Variants in ASAP1 observed in about 807,000 individuals in gnomAD.
ASAP1 encodes the protein arf-GAP with SH3 domain, ANK repeat and PH domain-containing protein 1.
A neutral mutation model predicts 145.2 loss-of-function variants in ASAP1; 43 were observed. The observed-to-expected ratio is 0.30, with a 90% CI of 0.23 to 0.38. The LOEUF is 0.38. ASAP1 is among the 10% of genes least tolerant of loss of function. The pLI is 1.00. For synonymous variants in ASAP1, 546 were observed against 515.5 expected, an observed-to-expected ratio of 1.06 and a Z score of -0.80; for missense variants, 1,018 against 1,355.3, an observed-to-expected ratio of 0.75 and a Z score of 3.91.
rs758864614 is a variant in ASAP1, at chr8:130,331,797, CACAT to C, written c.186+26216_186+26219del. On this transcript the variant is annotated intron_variant, in intron 3 of 29. Coordinates refer to ENST00000518721, the MANE Select transcript of ASAP1 (RefSeq NM_018482.4). The stretch of plus-strand genomic sequence containing the variant: ...CAAAATTCACAGACATATCTAGAAA[CACAT>C]ACACACACACATGCAAACACACAAT... Among the ~76,000 whole-genome samples, 3 of 152,170 alleles carry C rather than the reference CACAT, an allele frequency of 2.0e-5. No homozygotes were observed. The South Asian group carries it at 6.2e-4, about 32-fold the overall frequency.
At chr8:130,391,991 G>A (rs192361193) in intron 2 of ASAP1, among the ~76,000 whole-genome samples, 1 of 152,192 alleles carries the variant, frequency 6.6e-6, no homozygotes, top group Non-Finnish European at 1.5e-5. Flanking sequence ...GTTGTGCAGG[G>A]GGAGCCAGAC....
intron 3 of ASAP1, among the ~76,000 whole-genome samples, chr8:130,262,089 C>G (rs1000515506): frequency 5.9e-5 from 9 of 151,734 alleles, no homozygotes; most frequent in African/African-American, 2.2e-4. Flanking sequence ...CTTCATGTTT[C>G]CAGTGCTATT....
At chr8:130,397,481 T>C (rs944777914) in intron 2 of ASAP1, among the ~76,000 whole-genome samples, 3 of 152,228 alleles carry the variant, frequency 2.0e-5, no homozygotes, top group Non-Finnish European at 2.9e-5. Flanking sequence ...TATACACGTC[T>C]TCATAAGTGA....
intron 17 of ASAP1, among the ~76,000 whole-genome samples, chr8:130,125,455 T>G (rs2097573470): frequency 6.6e-6 from 1 of 152,180 alleles, no homozygotes; most frequent in Non-Finnish European, 1.5e-5. Flanking sequence ...TTCTCACAAT[T>G]TCTTCCCTTA....
intron 2 of ASAP1, among the ~76,000 whole-genome samples, chr8:130,384,249 AACC>A (rs1244152827): frequency 6.6e-6 from 1 of 152,134 alleles, no homozygotes; most frequent in Non-Finnish European, 1.5e-5. Context: ...ATAAAGCACA[AACC>A]ACTTTCCCCT....
At chr8:130,215,611 G>C (rs1816850724) in intron 4 of ASAP1, among the ~76,000 whole-genome samples, 1 of 152,074 alleles carries the variant, frequency 6.6e-6, no homozygotes, top group African/African-American at 2.4e-5. Context: ...AGGTGTAGTA[G>C]CGGGTGCCTG....
At chr8:130,148,759 AAAAC>A (rs781777195) in intron 13 of ASAP1, among the ~76,000 whole-genome samples, 23 of 152,220 alleles carry the variant, frequency 1.5e-4, no homozygotes, top group Non-Finnish European at 3.1e-4. Context: ...TTAGTTAGAA[AAAAC>A]AAACAATTCA....
chr8:130,279,719 A>G (rs1821141733), intron 3 of ASAP1, among the ~76,000 whole-genome samples: 1 of 152,234 alleles, frequency 6.6e-6, no homozygotes, highest in African/African-American at 2.4e-5. Context: ...ACAGATGAGA[A>G]AGAGTTAGCA....
At chr8:130,355,430 GT>G (rs1028947191) in intron 3 of ASAP1, among the ~76,000 whole-genome samples, 1 of 151,948 alleles carries the variant, frequency 6.6e-6, no homozygotes, top group Non-Finnish European at 1.5e-5. Flanking sequence ...CTAGGAAAAT[GT>G]TTTTTTTAAA....
chr8:130,414,013 G>A (rs1191254063), intron 1 of ASAP1, among the ~76,000 whole-genome samples: 1 of 152,086 alleles, frequency 6.6e-6, no homozygotes, highest in African/African-American at 2.4e-5. Context: ...ATGATTGCTG[G>A]TACCTGCAAG....
intron 1 of ASAP1, among the ~76,000 whole-genome samples, chr8:130,436,004 G>A (rs1207992625): frequency 6.6e-6 from 1 of 152,146 alleles, no homozygotes; most frequent in Non-Finnish European, 1.5e-5. Flanking sequence ...GGCTCTCCTG[G>A]GGCATGAGCC....
At chr8:130,182,046 T>C (rs1814390544) in intron 7 of ASAP1, among the ~76,000 whole-genome samples, 1 of 152,228 alleles carries the variant, frequency 6.6e-6, no homozygotes, top group African/African-American at 2.4e-5. Flanking sequence ...CTAATGCTAT[T>C]ATATTTAAGA....
chr8:130,191,112 A>G (rs2136243571), intron 5 of ASAP1, among the ~76,000 whole-genome samples: 1 of 151,218 alleles, frequency 6.6e-6, no homozygotes, highest in East Asian at 1.9e-4. Flanking sequence ...TTAAGATGGC[A>G]CAAAGAGGAA....
rs1565170609 is a variant in ASAP1 at position 130,284,042 on chromosome 8, T to C, written c.187-47048A>G. On this transcript the variant is annotated intron_variant, in intron 3 of 29. Coordinates refer to ENST00000518721, the MANE Select transcript of ASAP1 (RefSeq NM_018482.4). ...GTATGTGATGAGGACAGCTTTTTGT[T>C]AGACTCATCATCATCACATCCGCCT... Among the ~76,000 whole-genome samples, 8 of 152,288 alleles carry C rather than the reference T, an allele frequency of 5.3e-5. No individual in the cohort carries two copies. The South Asian group carries it at 1.7e-3, about 32-fold the overall frequency.
Position 130,438,693 on chromosome 8 carries a change from G to A in ASAP1, c.-28+4767C>T, listed in dbSNP as rs576689136. Among the ~76,000 whole-genome samples the A allele has an allele frequency of 6.2e-4, 95 of 152,250 alleles. 1 individual carries two copies. Among genetic ancestry groups the A allele is most frequent in the Middle Eastern group, 3.4e-3 (1 of 294 alleles). On this transcript the variant is annotated intron_variant, in intron 1 of 29. Transcript: ENST00000518721. ...GTCCCTGGGTTGAAAGTGAACAATC[G>A]GGCCGACAGCTGAAGAATGCACAGT...
intron 23 of ASAP1, 123 bp from the exon 24 acceptor site, chr8:130,112,445 G>C: frequency 1.4e-6 from 1 of 722,736 alleles, no homozygotes; most frequent in Non-Finnish European, 2.3e-6. Context: ...GCTTTATGAG[G>C]TCAGCCACAA....
At chr8:130,386,809 C>T (rs1158587024) in intron 2 of ASAP1, 2 of 152,210 alleles carry the variant, frequency 1.3e-5, no homozygotes, top group Non-Finnish European at 2.9e-5. Flanking sequence ...TGTAAACCTC[C>T]ACTTTTAGGT....
intron 27 of ASAP1, among the ~76,000 whole-genome samples, chr8:130,068,128 T>G (rs1010475594): frequency 6.6e-6 from 1 of 152,292 alleles, no homozygotes; most frequent in Admixed American, 6.5e-5. Flanking sequence ...AATTCAGAGA[T>G]GGATCCAACT....
chr8:130,193,301 G>A (rs1297074751), intron 5 of ASAP1, among the ~76,000 whole-genome samples: 13 of 151,968 alleles, frequency 8.6e-5, no homozygotes, highest in African/African-American at 2.7e-4. Context: ...CCTGGGAGGT[G>A]GAGGTTGCAG....
Sources: allele counts gnomAD v4.1 joint callset (sites outside exome capture counted in the v4.1 genomes callset), GRCh38; gene constraint gnomAD v4.1.1; transcripts MANE v1.5; gene names NCBI Gene and HGNC (gene_info 2026-07-23, HGNC 2026-07-21).